Variants in CRTAC1 observed in about 807,000 individuals in gnomAD.
CRTAC1 encodes the protein acidic secreted protein in cartilage.
In CRTAC1, 37 loss-of-function variants were observed where a neutral mutation model predicts 67.8. The ratio of observed to expected loss-of-function variants is 0.55; its 90% confidence interval spans 0.42 to 0.72. The LOEUF is 0.72. Ranked by LOEUF, CRTAC1 falls within the 30% of genes least tolerant of loss-of-function variation. The pLI is 0.00. For missense variants in CRTAC1, 780 were observed against 931.6 expected (o/e 0.84, Z 2.12); for synonymous variants, 348 against 371.0 (o/e 0.94, Z 0.71).
chr10:98,013,326 A>G (rs767226489), intron 1 of CRTAC1, among the ~76,000 whole-genome samples: 4 of 152,230 alleles, frequency 2.6e-5, no homozygotes, highest in African/African-American at 4.8e-5. Context: ...GGTCACGGCC[A>G]CCAGGGAGGC....
chr10:97,907,074 G>A (rs745323078), intron 6 of CRTAC1, among the ~76,000 whole-genome samples: 3 of 152,182 alleles, frequency 2.0e-5, no homozygotes, highest in Non-Finnish European at 4.4e-5. Flanking sequence ...TCATACATCC[G>A]AAAACTCGCA....
At chr10:97,916,340 G>A (rs2050758748) in intron 5 of CRTAC1, among the ~76,000 whole-genome samples, 1 of 152,156 alleles carries the variant, frequency 6.6e-6, no homozygotes, top group Non-Finnish European at 1.5e-5. Flanking sequence ...GTACCTTCAC[G>A]CGCGGAGCTC....
At chr10:98,013,466 C>T (rs761146061) in intron 1 of CRTAC1, among the ~76,000 whole-genome samples, 6 of 152,114 alleles carry the variant, frequency 3.9e-5, no homozygotes, top group Non-Finnish European at 8.8e-5. Flanking sequence ...AGAAGACATA[C>T]GAAAGAAGTA....
intron 2 of CRTAC1, among the ~76,000 whole-genome samples, chr10:97,950,242 C>CAGAGAGAGAGAG (rs1160076016): frequency 7.7e-4 from 90 of 117,550 alleles, no homozygotes; most frequent in Non-Finnish European, 1.1e-3. Context: ...TGCACACACA[C>CAGAGAGAGAGAG]ACACAGAGAG....
intron 2 of CRTAC1, among the ~76,000 whole-genome samples, chr10:97,998,352 G>C (rs562523997): frequency 6.6e-6 from 1 of 152,236 alleles, no homozygotes; most frequent in African/African-American, 2.4e-5. Context: ...GGGAAGCACA[G>C]ACCAGGTATT....
chr10:97,920,258 A>T (rs1405781214), intron 4 of CRTAC1, among the ~76,000 whole-genome samples: 2 of 152,214 alleles, frequency 1.3e-5, no homozygotes, highest in Non-Finnish European at 2.9e-5. Context: ...AAATTAGGAT[A>T]TTTACAAAAT....
At position 97,895,324 on chromosome 10, in the gene CRTAC1, C is replaced by A. The variant is rs780424719; in HGVS notation, c.1407G>T (p.Lys469Asn). The change falls in exon 11 of 15, where the codon AAG becomes AAT. Residue 469 changes from lysine to asparagine, a missense_variant. Transcript: ENST00000370597. This position sits in a 1 kb window ranked among gnomAD's most constrained non-coding sequence, Gnocchi z 4.2. ...RGAKVVLYTKKSGAHLRIIDG... is the reference protein window; with the variant it reads ...RGAKVVLYTKNSGAHLRIIDG... ...CGATGATCCTCAGGTGGGCCCCACT[C>A]TTCTTGGTGTAGAGCACGACCTTAG... The A allele has an allele frequency of 1.2e-6, 2 of 1,613,900 alleles. No individual in the cohort carries two copies. Among genetic ancestry groups the A allele is most frequent in the South Asian group, 1.1e-5 (1 of 91,062 alleles).
At chr10:97,874,364 C>T (rs1233879939) in intron 14 of CRTAC1, among the ~76,000 whole-genome samples, 1 of 152,238 alleles carries the variant, frequency 6.6e-6, no homozygotes, top group Non-Finnish European at 1.5e-5. Flanking sequence ...GCCCGCCTAG[C>T]TCAGTTCACT....
intron 5 of CRTAC1, among the ~76,000 whole-genome samples, chr10:97,909,344 G>A (rs1403293268): frequency 6.6e-6 from 1 of 152,078 alleles, no homozygotes; most frequent in Admixed American, 6.6e-5. Flanking sequence ...AAAATGGCCC[G>A]ACCAGGATCA....
intron 3 of CRTAC1, among the ~76,000 whole-genome samples, chr10:97,934,093 G>T (rs994843271): frequency 1.3e-5 from 2 of 152,190 alleles, no homozygotes; most frequent in South Asian, 2.1e-4. Context: ...AATAGGGGAT[G>T]GTCTGTCCCC....
chr10:98,006,684 A>G (rs543870021), intron 2 of CRTAC1, among the ~76,000 whole-genome samples: 2 of 152,220 alleles, frequency 1.3e-5, no homozygotes, highest in African/African-American at 4.8e-5. Context: ...CCAGTCAGAC[A>G]TACTACAAGG....
chr10:98,001,914 G>C (rs972757875), intron 2 of CRTAC1, among the ~76,000 whole-genome samples: 1 of 152,252 alleles, frequency 6.6e-6, no homozygotes, highest in Non-Finnish European at 1.5e-5. Context: ...AAAAACACAG[G>C]ATGGGGAGGC....
At chr10:97,962,165 T>C (rs975203386) in intron 2 of CRTAC1, among the ~76,000 whole-genome samples, 4 of 152,080 alleles carry the variant, frequency 2.6e-5, no homozygotes, top group African/African-American at 9.7e-5. Context: ...GTCACGAGGG[T>C]TGGGGCTGTC....
intron 14 of CRTAC1, among the ~76,000 whole-genome samples, chr10:97,873,995 T>C (rs17108636): frequency 0.089 from 13,527 of 152,168 alleles, 945 homozygotes; most frequent in African/African-American, 0.2. Context: ...GTCAGCAAAG[T>C]GGGAAGGATA....
chr10:97,974,153 G>A (rs2051759711), intron 2 of CRTAC1, among the ~76,000 whole-genome samples: 1 of 152,134 alleles, frequency 6.6e-6, no homozygotes, highest in Non-Finnish European at 1.5e-5. Flanking sequence ...TGCATGGGGA[G>A]GAGGCGTTTT....
intron 2 of CRTAC1, among the ~76,000 whole-genome samples, chr10:97,951,829 T>A (rs1049771573): frequency 1.3e-5 from 2 of 152,160 alleles, no homozygotes; most frequent in African/African-American, 4.8e-5. Flanking sequence ...TTCTTGCTAC[T>A]CAAACTGTGG....
At chr10:97,875,332 T>C (rs187723812) in intron 14 of CRTAC1, among the ~76,000 whole-genome samples, 57 of 152,350 alleles carry the variant, frequency 3.7e-4, no homozygotes, top group African/African-American at 1.3e-3. Flanking sequence ...ATGGCAGGCA[T>C]TGCATAAATG....
At chr10:97,932,529 G>T (rs1166638862) in intron 3 of CRTAC1, among the ~76,000 whole-genome samples, 1 of 152,138 alleles carries the variant, frequency 6.6e-6, no homozygotes, top group Non-Finnish European at 1.5e-5. Flanking sequence ...AAGGGCACAG[G>T]GGGTAATGGG....
At chr10:97,984,903 T>C (rs918877494) in intron 2 of CRTAC1, among the ~76,000 whole-genome samples, 1 of 152,238 alleles carries the variant, frequency 6.6e-6, no homozygotes, top group Non-Finnish European at 1.5e-5. Flanking sequence ...AGCCAGAACC[T>C]TCTGACAGCC....
Sources: gnomAD v4.1 joint callset for allele counts (sites outside exome capture counted in the v4.1 genomes callset) on GRCh38, gnomAD v4.1.1 for gene constraint, Gnocchi (gnomAD v3.1) non-coding constraint, MANE v1.5 for transcripts, NCBI Gene and HGNC (gene_info 2026-07-23, HGNC 2026-07-21) for gene names.